The following KAZN variants were observed in gnomAD, a reference collection of about 807,000 sequenced individuals.
KAZN encodes the protein kazrin, periplakin interacting protein, also known as kazrin.
A neutral mutation model predicts 87.4 loss-of-function variants in KAZN; 40 were observed. That is an observed-to-expected ratio of 0.46 (90% CI 0.36 to 0.60). The LOEUF (loss-of-function observed/expected upper bound fraction) is 0.60, where lower values mean the gene tolerates loss of function less well. KAZN is among the 20% of genes least tolerant of loss of function. KAZN has a pLI of 0.00. For synonymous variants in KAZN, 466 were observed against 458.3 expected (o/e 1.02, Z -0.22); for missense variants, 898 against 1,073.9 (o/e 0.84, Z 2.29).
chr1:15,020,172 G>A (rs1300152077), intron 2 of KAZN, among the ~76,000 whole-genome samples: 1 of 152,168 alleles, frequency 6.6e-6, no homozygotes. Flanking sequence ...AGCCCTCCAG[G>A]TGATACAAGC....
At chr1:14,429,001 T>C (rs1665897142) in intron 2 of KAZN, among the ~76,000 whole-genome samples, 1 of 152,118 alleles carries the variant, frequency 6.6e-6, no homozygotes, top group African/African-American at 2.4e-5. Context: ...TATATTCTGG[T>C]CCAGTGAATT....
At chr1:14,028,330 G>A (rs552678393) in intron 1 of KAZN, among the ~76,000 whole-genome samples, 84 of 152,294 alleles carry the variant, frequency 5.5e-4, no homozygotes, top group Non-Finnish European at 1.1e-3. Context: ...CAAATTGGGC[G>A]TGACAGAAAC....
At chr1:14,805,557 G>A (rs1312163012) in intron 1 of KAZN, among the ~76,000 whole-genome samples, 3 of 151,956 alleles carry the variant, frequency 2.0e-5, no homozygotes, top group Non-Finnish European at 4.4e-5. Flanking sequence ...TCAGGAGTTC[G>A]AGACCAGCCT....
At chr1:14,024,170 T>C (rs1640970224) in intron 1 of KAZN, among the ~76,000 whole-genome samples, 1 of 152,144 alleles carries the variant, frequency 6.6e-6, no homozygotes, top group South Asian at 2.1e-4. Context: ...CAGAAAAAGT[T>C]CGATGCAGAA....
intron 2 of KAZN, among the ~76,000 whole-genome samples, chr1:14,969,853 G>A (rs533631141): frequency 3.7e-4 from 57 of 152,002 alleles, no homozygotes; most frequent in African/African-American, 1.3e-3. Context: ...TTACTCTGTC[G>A]CCCAGGCTGG....
intron 2 of KAZN, among the ~76,000 whole-genome samples, chr1:14,308,376 G>A (rs1391681887): frequency 1.2e-4 from 19 of 152,156 alleles, no homozygotes. Flanking sequence ...TGGGCACAAG[G>A]TCTCCAACTT....
At chr1:14,703,022 T>C (rs548603494) in intron 1 of KAZN, among the ~76,000 whole-genome samples, 6 of 152,378 alleles carry the variant, frequency 3.9e-5, no homozygotes, top group African/African-American at 1.4e-4. Context: ...CTATTGTTTA[T>C]TCTCATGTTA....
chr1:13,922,456 T>C (rs568653393), intron 1 of KAZN, among the ~76,000 whole-genome samples: 2 of 152,324 alleles, frequency 1.3e-5, no homozygotes, highest in African/African-American at 4.8e-5. Flanking sequence ...ATATCTCTTG[T>C]GGTCGCATTT....
intron 3 of KAZN, among the ~76,000 whole-genome samples, 187 bp from the exon 4 acceptor site, chr1:15,043,802 C>A (rs1198577624): frequency 1.3e-5 from 2 of 152,046 alleles, no homozygotes; most frequent in Non-Finnish European, 2.9e-5. Flanking sequence ...GCCACCATGC[C>A]TGGCTAATTT....
chr1:14,658,841 C>G (rs1268602893), intron 1 of KAZN, among the ~76,000 whole-genome samples: 1 of 152,204 alleles, frequency 6.6e-6, no homozygotes, highest in Non-Finnish European at 1.5e-5. Flanking sequence ...CTTTAGGGCA[C>G]TCCCAGCAGG....
chr1:14,697,482 G>C (rs1277746177), intron 1 of KAZN, among the ~76,000 whole-genome samples: 2 of 152,162 alleles, frequency 1.3e-5, no homozygotes, highest in African/African-American at 4.8e-5. Context: ...TGTTCTTCTG[G>C]AGAGTAAGTG....
chr1:14,159,145 C>T (rs963849604), intron 1 of KAZN, among the ~76,000 whole-genome samples: 1 of 152,148 alleles, frequency 6.6e-6, no homozygotes, highest in Non-Finnish European at 1.5e-5. Flanking sequence ...TGGGACTCTA[C>T]AATCTGAAGA....
chr1:14,173,955 A>G (rs969886222), intron 1 of KAZN, among the ~76,000 whole-genome samples: 1 of 152,252 alleles, frequency 6.6e-6, no homozygotes, highest in African/African-American at 2.4e-5. Context: ...CAGAAATATA[A>G]AATGTCCATT....
chr1:14,202,411 T>G (rs1354385040), intron 2 of KAZN, among the ~76,000 whole-genome samples: 1 of 152,230 alleles, frequency 6.6e-6, no homozygotes. Flanking sequence ...TCGCCTGGTG[T>G]GGGAATCACA....
intron 2 of KAZN, among the ~76,000 whole-genome samples, chr1:14,406,580 T>C (rs1353429035): frequency 6.6e-6 from 1 of 152,084 alleles, no homozygotes; most frequent in South Asian, 2.1e-4. Flanking sequence ...AGACTACAAA[T>C]TGGGTTCAGT....
intron 2 of KAZN, among the ~76,000 whole-genome samples, chr1:14,564,371 T>C (rs1308582745): frequency 6.6e-6 from 1 of 152,150 alleles, no homozygotes; most frequent in Non-Finnish European, 1.5e-5. Flanking sequence ...TAGGTTTAAA[T>C]CTCAGCCTCA....
intron 2 of KAZN, among the ~76,000 whole-genome samples, chr1:14,349,634 C>T (rs931707006): frequency 6.6e-6 from 1 of 152,084 alleles, no homozygotes; most frequent in Non-Finnish European, 1.5e-5. Flanking sequence ...CCCTCTAGGC[C>T]CCTATAGACA....
intron 2 of KAZN, among the ~76,000 whole-genome samples, chr1:14,389,154 T>A (rs1662207113): frequency 6.6e-6 from 1 of 152,160 alleles, no homozygotes; most frequent in Admixed American, 6.5e-5. Context: ...CAATGAGGTA[T>A]CATCTCACCT....
At chr1:14,033,879 A>C (rs1293238863) in intron 1 of KAZN, among the ~76,000 whole-genome samples, 1 of 152,242 alleles carries the variant, frequency 6.6e-6, no homozygotes, top group Non-Finnish European at 1.5e-5. Context: ...GAATTTGTAA[A>C]GGGAAGGAAA....
Sources: gnomAD v4.1 joint callset for allele counts (sites outside exome capture counted in the v4.1 genomes callset) on GRCh38, gnomAD v4.1.1 for gene constraint, MANE v1.5 for transcripts, NCBI Gene and HGNC (gene_info 2026-07-23, HGNC 2026-07-21) for gene names.